The following CDH23 variants were observed in gnomAD, a reference collection of about 807,000 sequenced individuals.
CDH23 encodes cadherin related 23, also known as cadherin-23.
A neutral mutation model predicts 317.1 loss-of-function variants in CDH23; 189 were observed. That is an observed-to-expected ratio of 0.60 (90% CI 0.53 to 0.67). The LOEUF is 0.67. Ranked by LOEUF, CDH23 falls within the 30% of genes least tolerant of loss-of-function variation. The pLI is 0.00. For synonymous variants in CDH23, 1,839 were observed against 1,876.8 expected (o/e 0.98, Z 0.52); for missense variants, 4,401 against 4,592.4 (o/e 0.96, Z 1.20).
In CDH23 at chr10:71,732,235, A is replaced by G. The variant is rs1258054683; in HGVS notation, c.3964A>G (p.Ile1322Val). The G allele has an allele frequency of 1.9e-6, 3 of 1,613,728 alleles. No individual in the cohort carries two copies. The highest frequency in any genetic ancestry group is 2.5e-6 in the Non-Finnish European group (3 of 1,179,758). ...QFSNASYEAA[I>V]LENLALGTEI... ...CTCCAATGCCTCATACGAGGCTGCC[A>G]TCCTGGAGAATCTGGCACTGGGTAC... The change falls in exon 32 of 70, where the codon ATC (isoleucine) becomes GTC (valine). Residue 1322 changes from isoleucine to valine, a missense_variant. Ile to Val is a conservative substitution (Grantham distance 29). Transcript: ENST00000224721.
chr10:71,798,295 G>C, intron 49 of CDH23, 59 bp from the exon 50 acceptor site: 5 of 1,344,246 alleles, frequency 3.7e-6, no homozygotes, highest in Non-Finnish European at 5.3e-6. Context: ...GCTAAGGAAG[G>C]CCTGGCCCAG....
At chr10:71,525,071 C>A (rs1854953947) in intron 6 of CDH23, among the ~76,000 whole-genome samples, 1 of 151,586 alleles carries the variant, frequency 6.6e-6, no homozygotes, top group Admixed American at 6.6e-5. Context: ...CCATGCCCAG[C>A]TAATTTTTGT....
At chr10:71,643,126 C>T (rs1012115639) in intron 11 of CDH23, among the ~76,000 whole-genome samples, 7 of 152,208 alleles carry the variant, frequency 4.6e-5, no homozygotes, top group African/African-American at 1.7e-4. Flanking sequence ...ATGGACCAAT[C>T]ACCAAGATGT....
At chr10:71,768,470 C>T (rs182025423) in intron 38 of CDH23, among the ~76,000 whole-genome samples, 8 of 152,110 alleles carry the variant, frequency 5.3e-5, no homozygotes, top group Non-Finnish European at 7.4e-5. Flanking sequence ...TGTGCCTGGC[C>T]GTTTGGTTGG....
intron 48 of CDH23, among the ~76,000 whole-genome samples, chr10:71,795,146 A>T (rs1841364348): frequency 6.6e-6 from 1 of 152,216 alleles, no homozygotes; most frequent in South Asian, 2.1e-4. Context: ...TTAACAAAAA[A>T]TATACTTCAA....
chr10:71,701,540 C>G (rs1403440648), intron 22 of CDH23, among the ~76,000 whole-genome samples: 1 of 152,130 alleles, frequency 6.6e-6, no homozygotes, highest in East Asian at 1.9e-4. Flanking sequence ...GAGACCCTGC[C>G]CCTTATCAGG....
Position 71,815,452 on chromosome 10 carries a change from G to A in CDH23, c.*174G>A, listed in dbSNP as rs1001964549. On this transcript the variant is annotated 3_prime_UTR_variant, in exon 70 of 70. Coordinates refer to ENST00000224721, the MANE Select transcript of CDH23 (RefSeq NM_022124.6). ...TGCTCAGATCCCACTTTTGCCAGAC[G>A]CTCATTCAGCATCTGACCTCTACCT... The A allele has an allele frequency of 1.8e-5, 10 of 541,250 alleles. No homozygotes were observed. The highest frequency in any genetic ancestry group is 3.4e-5 in the Admixed American group (1 of 29,792). 33.5% of individuals were successfully genotyped at this position (541,250 alleles called of 1,614,324 possible).
chr10:71,609,950 CCGTGTG>C (rs1416652998), intron 9 of CDH23, among the ~76,000 whole-genome samples: 2 of 117,592 alleles, frequency 1.7e-5, no homozygotes, highest in East Asian at 4.6e-4. Context: ...AAGGACTCCC[CCGTGTG>C]TGTGTGTGTG....
At chr10:71,463,679 G>T (rs751766728) in intron 3 of CDH23, among the ~76,000 whole-genome samples, 1 of 152,214 alleles carries the variant, frequency 6.6e-6, no homozygotes, top group Non-Finnish European at 1.5e-5. Flanking sequence ...CCAAGCATCA[G>T]TGGGTGTGAA....
intron 6 of CDH23, among the ~76,000 whole-genome samples, chr10:71,547,191 ACT>A (rs1482323198): frequency 1.3e-5 from 2 of 152,154 alleles, no homozygotes; most frequent in Non-Finnish European, 2.9e-5. Context: ...TAGCCAGGTA[ACT>A]CTGAGCAAAT....
In CDH23 at chr10:71,725,427, G is replaced by T. The variant is rs397517324; in HGVS notation, c.3486G>T (p.Gly1162=). The part of the protein sequence containing the change: ...IHVSNGLLMR[G]PRPLDRERNS... Reference sequence around the variant, plus strand: ...TCAGCAATGGGCTCCTGATGCGAGGGCCCCGGCCCCTGGACCGGGAGCGGA... The same window carrying T: ...TCAGCAATGGGCTCCTGATGCGAGGTCCCCGGCCCCTGGACCGGGAGCGGA... Residue 1162 remains glycine, a synonymous_variant, in exon 30 of 70, where the codon GGG becomes GGT. Coordinates refer to ENST00000224721, the MANE Select transcript of CDH23 (RefSeq NM_022124.6). 7 of 1,614,046 alleles carry T rather than the reference G, an allele frequency of 4.3e-6. No individual in the cohort carries two copies. The East Asian group carries it at 1.3e-4, about 31-fold the overall frequency.
intron 12 of CDH23, among the ~76,000 whole-genome samples, chr10:71,644,109 G>A (rs913719088): frequency 3.9e-5 from 6 of 152,262 alleles, no homozygotes; most frequent in Admixed American, 2.0e-4. Flanking sequence ...TCCCTTCCAT[G>A]TGACGGGACG....
chr10:71,507,568 C>G (rs1279654123), intron 3 of CDH23, among the ~76,000 whole-genome samples: 3 of 152,264 alleles, frequency 2.0e-5, no homozygotes, highest in African/African-American at 7.2e-5. Context: ...TGGCTGATGC[C>G]TGTAATCCCA....
chr10:71,591,821 A>G (rs1859512775), intron 9 of CDH23, among the ~76,000 whole-genome samples: 1 of 152,160 alleles, frequency 6.6e-6, no homozygotes, highest in African/African-American at 2.4e-5. Context: ...GGTGCTCAGG[A>G]AATGCCAGCT....
intron 3 of CDH23, among the ~76,000 whole-genome samples, chr10:71,451,808 G>A (rs1446452012): frequency 6.6e-6 from 1 of 152,204 alleles, no homozygotes; most frequent in Non-Finnish European, 1.5e-5. Context: ...TGCGCCTGGT[G>A]TGCGCCTGGA....
At chr10:71,774,420 C>T (rs1447455270) in intron 38 of CDH23, among the ~76,000 whole-genome samples, 1 of 152,186 alleles carries the variant, frequency 6.6e-6, no homozygotes, top group Non-Finnish European at 1.5e-5. Context: ...ATGTCCTGAC[C>T]CTTCCTTTTT....
At chr10:71,442,862 T>C (rs1385824157) in intron 2 of CDH23, among the ~76,000 whole-genome samples, 1 of 152,068 alleles carries the variant, frequency 6.6e-6, no homozygotes, top group African/African-American at 2.4e-5. Flanking sequence ...ACCTCAATGG[T>C]GACCAGGGTG....
rs58054153 is a variant in CDH23, at chr10:71,530,034, G to C, written c.429+18822G>C. ...GCATTTGCACACATACACACATACAGACACACACACACACACACACACACA... is the reference window on the plus strand; with the variant it reads ...GCATTTGCACACATACACACATACACACACACACACACACACACACACACA... On this transcript the variant is annotated intron_variant, in intron 6 of 69. Transcript: ENST00000224721. Among the ~76,000 whole-genome samples, 409 of 140,912 alleles carry C rather than the reference G, an allele frequency of 2.9e-3. 1 individual carries two copies. The highest frequency in any genetic ancestry group is 0.01 in the African/African-American group (376 of 37,554). 92.4% of individuals were successfully genotyped at this position (140,912 alleles called of 152,430 possible). A position where few individuals can be genotyped will look rare whatever the true frequency, so the allele number is the denominator to read the frequency against.
chr10:71,716,155 C>T (rs530192569), intron 28 of CDH23: 28 of 1,550,594 alleles, frequency 1.8e-5, no homozygotes, highest in African/African-American at 9.6e-5. Flanking sequence ...CCAGCGCGGC[C>T]GGCTTGCAGA....
Sources: allele counts gnomAD v4.1 joint callset (sites outside exome capture counted in the v4.1 genomes callset), GRCh38; gene constraint gnomAD v4.1.1; transcripts MANE v1.5; gene names NCBI Gene and HGNC (gene_info 2026-07-23, HGNC 2026-07-21).